MAML2: variants seen among roughly 807,000 people sequenced by gnomAD.
The protein encoded by MAML2 is mastermind like transcriptional coactivator 2.
In MAML2, 22 loss-of-function variants were observed where a neutral mutation model predicts 96.1. That is an observed-to-expected ratio of 0.23 (90% CI 0.16 to 0.33). The LOEUF is 0.33. Ranked by LOEUF, MAML2 falls within the 10% of genes least tolerant of loss-of-function variation. The pLI is 1.00. For synonymous variants in MAML2, 561 were observed against 521.3 expected (o/e 1.08, Z -1.04); for missense variants, 1,367 against 1,392.4 (o/e 0.98, Z 0.29).
At chr11:96,262,052 G>A (rs1370009409) in intron 1 of MAML2, among the ~76,000 whole-genome samples, 1 of 151,932 alleles carries the variant, frequency 6.6e-6, no homozygotes, top group African/African-American at 2.4e-5. Context: ...CATCTTTCTG[G>A]GTCCCAACCA....
At chr11:96,031,014 A>T (rs1316865637) in intron 2 of MAML2, among the ~76,000 whole-genome samples, 1 of 152,166 alleles carries the variant, frequency 6.6e-6, no homozygotes, top group Non-Finnish European at 1.5e-5. Flanking sequence ...GTACACAGAG[A>T]TTAAGAGTTT....
At chr11:96,116,998 A>G (rs1363950915) in intron 1 of MAML2, among the ~76,000 whole-genome samples, 1 of 152,238 alleles carries the variant, frequency 6.6e-6, no homozygotes. Context: ...ACAGCCATTA[A>G]TTCAGGTATC....
intron 2 of MAML2, among the ~76,000 whole-genome samples, chr11:96,034,288 T>C (rs1246237295): frequency 6.6e-6 from 1 of 152,206 alleles, no homozygotes; most frequent in Non-Finnish European, 1.5e-5. Flanking sequence ...TTATACTGTT[T>C]GTATCTAATG....
At chr11:95,985,718 A>C in intron 3 of MAML2, 76 bp from the exon 4 acceptor site, 3 of 898,416 alleles carry the variant, frequency 3.3e-6, no homozygotes, top group Middle Eastern at 4.5e-4. Flanking sequence ...AAAATTTTGT[A>C]AAATTTCAGA....
At chr11:96,038,594 C>T (rs895378120) in intron 2 of MAML2, among the ~76,000 whole-genome samples, 1 of 152,220 alleles carries the variant, frequency 6.6e-6, no homozygotes, top group African/African-American at 2.4e-5. Context: ...CAAGCTTGCT[C>T]TTACTGCATG....
chr11:96,296,002 A>G (rs1461770810), intron 1 of MAML2, among the ~76,000 whole-genome samples: 5 of 151,912 alleles, frequency 3.3e-5, no homozygotes, highest in South Asian at 2.1e-4. Flanking sequence ...TCAGCAAATA[A>G]AACTCCTACT....
In MAML2 at chr11:96,171,956, CT is replaced by C. The variant is rs574265247; in HGVS notation, c.514-78440del. Among the ~76,000 whole-genome samples the C allele has an allele frequency of 3.2e-3, 481 of 152,344 alleles. 1 individual carries two copies. Among genetic ancestry groups the C allele is most frequent in the African/African-American group, 0.011 (460 of 41,592 alleles). ...TCTGACAACTTTGGTGAAATTGCTA[CT>C]TTGATATCAGAGACCATGCCTTCCA... On this transcript the variant is annotated intron_variant, in intron 1 of 4. Transcript: ENST00000524717.
At chr11:96,276,785 C>G (rs181666775) in intron 1 of MAML2, among the ~76,000 whole-genome samples, 3 of 149,254 alleles carry the variant, frequency 2.0e-5, no homozygotes, top group Admixed American at 1.3e-4. Flanking sequence ...ATTATTTCTC[C>G]CATTTCCTCC....
chr11:95,997,854 C>T (rs182841781), intron 2 of MAML2, among the ~76,000 whole-genome samples: 21 of 152,248 alleles, frequency 1.4e-4, no homozygotes, highest in Non-Finnish European at 1.9e-4. Context: ...AGTATTTAGT[C>T]ATCCTATCTC....
chr11:96,243,763 C>T (rs1862472565), intron 1 of MAML2, among the ~76,000 whole-genome samples: 1 of 151,186 alleles, frequency 6.6e-6, no homozygotes, highest in Admixed American at 6.6e-5. Flanking sequence ...ATGCCATTCT[C>T]CTGCCTCAGC....
chr11:96,271,665 AC>A (rs1292384994), intron 1 of MAML2, among the ~76,000 whole-genome samples: 1 of 152,020 alleles, frequency 6.6e-6, no homozygotes, highest in Non-Finnish European at 1.5e-5. Context: ...TTCCCCTCCC[AC>A]CATGATTGTA....
chr11:96,020,872 C>T (rs936054377), intron 2 of MAML2, among the ~76,000 whole-genome samples: 2 of 152,134 alleles, frequency 1.3e-5, no homozygotes, highest in South Asian at 2.1e-4. Context: ...CTTTAAGTCA[C>T]GAGAACTCCA....
At chr11:96,278,530 T>C (rs1383607532) in intron 1 of MAML2, among the ~76,000 whole-genome samples, 1 of 152,176 alleles carries the variant, frequency 6.6e-6, no homozygotes. Context: ...TATGATTGAC[T>C]GAGTATTATG....
chr11:96,252,425 CTTTTTT>C (rs35604635), intron 1 of MAML2, among the ~76,000 whole-genome samples: 5 of 122,578 alleles, frequency 4.1e-5, no homozygotes, highest in Admixed American at 8.9e-5. Context: ...TTGACTAACT[CTTTTTT>C]TTTTTTTTTT....
intron 1 of MAML2, among the ~76,000 whole-genome samples, chr11:96,171,552 T>TA (rs1211780518): frequency 1.3e-5 from 2 of 152,204 alleles, no homozygotes; most frequent in Non-Finnish European, 2.9e-5. Flanking sequence ...AAAATATGTG[T>TA]AAATACATGT....
At chr11:96,239,427 C>T (rs112519232) in intron 1 of MAML2, among the ~76,000 whole-genome samples, 11 of 152,246 alleles carry the variant, frequency 7.2e-5, no homozygotes, top group African/African-American at 2.4e-4. Flanking sequence ...TGGCTATTTT[C>T]GTCAATTTCA....
intron 1 of MAML2, among the ~76,000 whole-genome samples, chr11:96,151,172 T>G (rs188148466): frequency 4.9e-4 from 75 of 152,290 alleles, no homozygotes; most frequent in Non-Finnish European, 8.2e-4. Context: ...ACTTTCCTTT[T>G]TCAGAACATG....
rs142896184 is a variant in MAML2 at position 96,251,191 on chromosome 11, T to G, written c.513+90192A>C. Among the ~76,000 whole-genome samples the G allele has an allele frequency of 4.3e-4, 66 of 152,336 alleles. No individual in the cohort carries two copies. In the Middle Eastern group the frequency reaches 0.01, roughly 24 times the overall value. On this transcript the variant is annotated intron_variant, in intron 1 of 4. Transcript: ENST00000524717. ...CTGAAGTTACCCAGTGAAAATCATG[T>G]CCCGCAAAATGTTGTCTTTTACTAA...
At chr11:96,131,873 G>A in intron 1 of MAML2, among the ~76,000 whole-genome samples, 1 of 152,192 alleles carries the variant, frequency 6.6e-6, no homozygotes, top group South Asian at 2.1e-4. Context: ...AGCCAGGCAT[G>A]GTGGCACACT....
Sources: gnomAD v4.1 joint callset for allele counts (sites outside exome capture counted in the v4.1 genomes callset) on GRCh38, gnomAD v4.1.1 for gene constraint, MANE v1.5 for transcripts, NCBI Gene and HGNC (gene_info 2026-07-23, HGNC 2026-07-21) for gene names.